Variants in HPSE2 observed in about 807,000 individuals in gnomAD.
HPSE2 encodes heparanase 2 (inactive).
A neutral mutation model predicts 60.5 loss-of-function variants in HPSE2; 38 were observed. The observed-to-expected ratio is 0.63, with a 90% confidence interval of 0.48 to 0.82. The LOEUF (loss-of-function observed/expected upper bound fraction) is 0.82, where lower values mean the gene tolerates loss of function less well. Among genes scored for constraint, HPSE2 ranks in the 40% least tolerant of loss-of-function variants. HPSE2 has a pLI of 0.00. For missense variants in HPSE2, 713 were observed against 740.4 expected, an observed-to-expected ratio of 0.96 and a Z score of 0.43; for synonymous variants, 295 against 293.2, an observed-to-expected ratio of 1.01 and a Z score of -0.06.
At chr10:99,095,432 A>G (rs1396540425) in intron 3 of HPSE2, among the ~76,000 whole-genome samples, 1 of 152,212 alleles carries the variant, frequency 6.6e-6, no homozygotes, top group Non-Finnish European at 1.5e-5. Flanking sequence ...TACTTCAACC[A>G]TTTAAACTGT....
In HPSE2 at chr10:99,080,796, A is replaced by G. The variant is rs2135572018; in HGVS notation, c.610+63442T>C. 2.0e-5 allele frequency among the ~76,000 whole-genome samples: 3 copies of G among 152,342 alleles called. No individual in the cohort carries two copies. The Middle Eastern group carries it at 0.01, about 518-fold the overall frequency. ...TCCACTAAAGCCAATGCTCTTGCCA[A>G]ATGCATTCTCTTAGCATATACAATG... is the stretch of plus-strand genomic sequence containing the variant. On this transcript the variant is annotated intron_variant, in intron 3 of 11. Transcript: ENST00000370552.
intron 2 of HPSE2, among the ~76,000 whole-genome samples, chr10:99,151,327 A>C (rs1200972892): frequency 6.6e-6 from 1 of 152,168 alleles, no homozygotes; most frequent in Non-Finnish European, 1.5e-5. Context: ...ACCAAGGAAA[A>C]ATGACCACAG....
the HPSE2 span, among the ~76,000 whole-genome samples, chr10:99,242,098 G>T: frequency 6.6e-6 from 1 of 152,190 alleles, no homozygotes; most frequent in Admixed American, 6.5e-5. Context: ...GCAAAGGACA[G>T]TACAAGAGAA....
chr10:99,070,024 TAG>T (rs1263992445), intron 3 of HPSE2, among the ~76,000 whole-genome samples: 3 of 152,106 alleles, frequency 2.0e-5, no homozygotes, highest in Non-Finnish European at 2.9e-5. Flanking sequence ...CAGAGCAATT[TAG>T]AGAGAGGTGT....
chr10:98,742,614 C>T (rs1949524956), intron 4 of HPSE2, among the ~76,000 whole-genome samples: 1 of 151,964 alleles, frequency 6.6e-6, no homozygotes, highest in African/African-American at 2.4e-5. Flanking sequence ...AACTATAATC[C>T]ATATTGACTC....
intron 3 of HPSE2, among the ~76,000 whole-genome samples, chr10:99,112,422 GTTTTGTTTTGTTT>G (rs1564816644): frequency 7.8e-5 from 11 of 141,494 alleles, no homozygotes; most frequent in East Asian, 4.0e-4. Flanking sequence ...GTTGTGTTTT[GTTTTGTTTTGTTT>G]TGTTTTGTTT....
chr10:98,821,592 C>T (rs181670916), intron 3 of HPSE2, among the ~76,000 whole-genome samples: 6 of 152,258 alleles, frequency 3.9e-5, no homozygotes, highest in Admixed American at 3.3e-4. Flanking sequence ...ATGCCTTAAT[C>T]AGGGCTTATA....
chr10:99,007,791 G>T (rs1956926916), intron 3 of HPSE2, among the ~76,000 whole-genome samples: 1 of 152,124 alleles, frequency 6.6e-6, no homozygotes, highest in South Asian at 2.1e-4. Context: ...TTAGAGTCTA[G>T]CCCCTTATTT....
chr10:98,836,220 G>A (rs542530025), intron 3 of HPSE2, among the ~76,000 whole-genome samples: 4 of 152,238 alleles, frequency 2.6e-5, no homozygotes, highest in Admixed American at 2.0e-4. Context: ...TGTCTCATTC[G>A]TGAATTGCTG....
rs139242637 is a variant in HPSE2, at chr10:98,482,760, T to G, written c.1489A>C (p.Ile497Leu). Residue 497 changes from isoleucine to leucine, a missense_variant, in exon 11 of 12, where the codon ATT becomes CTT. By Grantham distance (5) the Ile-to-Leu change is conservative (BLOSUM62 2). Transcript: ENST00000370552. ...HHNHNYVRGS[I>L]TLFIINLHRS... ...TGCAAGTTGATGATAAAAAGTGTAATGGACCCACGAACGTAGTTGTGGCTG... is the reference window on the plus strand; with the variant it reads ...TGCAAGTTGATGATAAAAAGTGTAAGGGACCCACGAACGTAGTTGTGGCTG... The G allele has an allele frequency of 1.2e-6, 2 of 1,614,138 alleles. No individual in the cohort carries two copies. Among genetic ancestry groups the G allele is most frequent in the South Asian group, 2.2e-5 (2 of 91,078 alleles).
intron 3 of HPSE2, among the ~76,000 whole-genome samples, chr10:98,772,570 T>A (rs536272764): frequency 1.3e-5 from 2 of 152,328 alleles, no homozygotes; most frequent in African/African-American, 4.8e-5. Context: ...GAATATTTAA[T>A]ACAGGCTCTG....
chr10:98,471,302 A>C (rs1332609550), intron 11 of HPSE2, among the ~76,000 whole-genome samples: 1 of 152,214 alleles, frequency 6.6e-6, no homozygotes, highest in Non-Finnish European at 1.5e-5. Context: ...CCTTGGTCCC[A>C]ACCCAAAGAT....
chr10:99,070,012 T>C (rs1333750914), intron 3 of HPSE2, among the ~76,000 whole-genome samples: 1 of 152,184 alleles, frequency 6.6e-6, no homozygotes, highest in Non-Finnish European at 1.5e-5. Flanking sequence ...AGCACTGTTG[T>C]CCAGAGCAAT....
intron 3 of HPSE2, among the ~76,000 whole-genome samples, chr10:99,003,632 T>C (rs1020525080): frequency 2.0e-5 from 3 of 152,134 alleles, no homozygotes; most frequent in Non-Finnish European, 4.4e-5. Context: ...TATAGCTTCT[T>C]TTGAGATATA....
At position 98,700,884 on chromosome 10, in the gene HPSE2, A is replaced by G. The variant is rs1267525067; in HGVS notation, c.957-6937T>C. On this transcript the variant is annotated intron_variant, in intron 5 of 11. Transcript: ENST00000370552. ...CATTCATGCAGCCAAAAAACACATG[A>G]AAAAATGCTCACCATCACTGGCCAT... Among the ~76,000 whole-genome samples the G allele has an allele frequency of 3.0e-5, 2 of 66,882 alleles. 1 individual carries two copies. Among genetic ancestry groups the G allele is most frequent in the Non-Finnish European group, 8.4e-5 (2 of 23,930 alleles). The allele number at this position is 66,882 out of a possible 152,430, so 43.9% of individuals were successfully genotyped here.
intron 3 of HPSE2, among the ~76,000 whole-genome samples, chr10:98,880,275 G>A (rs990419341): frequency 2.0e-5 from 3 of 151,998 alleles, no homozygotes; most frequent in South Asian, 2.1e-4. Context: ...AGGTTGCCAC[G>A]GTGTGGCTGA....
intron 3 of HPSE2, among the ~76,000 whole-genome samples, chr10:98,966,264 A>T (rs890540514): frequency 6.6e-6 from 1 of 152,142 alleles, no homozygotes; most frequent in Non-Finnish European, 1.5e-5. Context: ...AGGCAAAGAG[A>T]GGGAGGGAAA....
At chr10:99,056,398 C>A (rs1372155464) in intron 3 of HPSE2, among the ~76,000 whole-genome samples, 1 of 152,022 alleles carries the variant, frequency 6.6e-6, no homozygotes, top group Non-Finnish European at 1.5e-5. Flanking sequence ...CAATAGTACA[C>A]AAATGCTTTC....
rs557806063 is a variant in HPSE2 at position 99,170,673 on chromosome 10, A to G, written c.449-26274T>C. On this transcript the variant is annotated intron_variant, in intron 2 of 11. Coordinates refer to ENST00000370552, the MANE Select transcript of HPSE2 (RefSeq NM_021828.5). The stretch of plus-strand genomic sequence containing the variant: ...CTAATACTAATCTATACAAAGTATC[A>G]GAATGTATCAAATCTATTTCATTTC... Among the ~76,000 whole-genome samples the G allele has an allele frequency of 1.9e-4, 29 of 152,362 alleles. 1 individual carries two copies. Among genetic ancestry groups the G allele is most frequent in the Admixed American group, 1.8e-3 (27 of 15,308 alleles).
Sources: allele counts gnomAD v4.1 joint callset (sites outside exome capture counted in the v4.1 genomes callset), GRCh38; gene constraint gnomAD v4.1.1; transcripts MANE v1.5; gene names NCBI Gene and HGNC (gene_info 2026-07-23, HGNC 2026-07-21).